The following CES5A variants were observed in gnomAD, a reference collection of about 807,000 sequenced individuals.
CES5A encodes carboxylesterase 5A, also known as carboxylesterase 5.
CES5A carries 67 observed loss-of-function variants against 62.9 expected under a neutral mutation model. That is an observed-to-expected ratio of 1.07 (90% confidence interval 0.88 to 1.31). CES5A has a LOEUF of 1.31. Among genes scored for constraint, CES5A ranks in the 50% most tolerant of loss-of-function variants. The pLI is 0.00. For missense variants in CES5A, 748 were observed against 708.5 expected (o/e 1.06, Z -0.63); for synonymous variants, 296 against 280.8 (o/e 1.05, Z -0.54).
upstream of CES5A, among the ~76,000 whole-genome samples, chr16:55,928,897 G>C (rs2034283221): frequency 6.6e-6 from 1 of 152,136 alleles, no homozygotes; most frequent in South Asian, 2.1e-4. Flanking sequence ...GGACTCAGAG[G>C]TCCCAGGTGA....
chr16:55,904,451 A>G (rs1333341569), intron 1 of CES5A, among the ~76,000 whole-genome samples: 4 of 152,146 alleles, frequency 2.6e-5, no homozygotes, highest in African/African-American at 9.7e-5. Context: ...TGAGAAGGCC[A>G]AAGGAAGGCA....
intron 9 of CES5A, 143 bp downstream of exon 9, chr16:55,856,234 A>T: frequency 2.8e-6 from 2 of 707,292 alleles, no homozygotes; most frequent in Non-Finnish European, 5.0e-6. Flanking sequence ...GTGGACTAAT[A>T]CACCTATGCT....
In CES5A at chr16:55,955,563, G is replaced by C. The variant is rs78335150; in HGVS notation, c.42+281C>G. 8.9e-3 allele frequency among the ~76,000 whole-genome samples: 1,350 copies of C among 152,230 alleles called. 19 individuals carry two copies. Among genetic ancestry groups the C allele is most frequent in the African/African-American group, 0.027 (1,112 of 41,544 alleles). On this transcript the variant is annotated intron_variant, in intron 1 of 13. Coordinates refer to the CES5A transcript ENST00000521992. Reference sequence around the variant, plus strand: ...CAATAAATTTCACTGCCATTAAATCGCCACATGCCGCATGGAGGAAAGGAG... The same window carrying C: ...CAATAAATTTCACTGCCATTAAATCCCCACATGCCGCATGGAGGAAAGGAG...
In CES5A at chr16:55,846,784, T is replaced by C; in HGVS notation, c.1480A>G (p.Thr494Ala). ...LSRKMMKYWATFARTGNPNGN... is the reference protein window; with the variant it reads ...LSRKMMKYWAAFARTGNPNGN... ...TTTACTTACCCGGTTCGAGCAAAGG[T>C]AGCCCAGTATTTCATCATCTTCCGG... The change falls in exon 12 of 13, where the codon ACC becomes GCC. Residue 494 changes from threonine (T) to alanine (A), a missense_variant. Thr to Ala is a moderately conservative substitution (Grantham distance 58). Transcript: ENST00000290567. The C allele has an allele frequency of 6.2e-7, 1 of 1,614,086 alleles. No homozygotes were observed. Among genetic ancestry groups the C allele is most frequent in the Admixed American group, 1.7e-5 (1 of 60,024 alleles).
chr16:55,902,246 G>T (rs2033997221), intron 1 of CES5A, among the ~76,000 whole-genome samples: 2 of 152,156 alleles, frequency 1.3e-5, no homozygotes, highest in Non-Finnish European at 2.9e-5. Flanking sequence ...AGGAGGCTGT[G>T]ATCCATGGAG....
intron 9 of CES5A, among the ~76,000 whole-genome samples, chr16:55,854,307 A>G (rs1374727876): frequency 2.6e-5 from 4 of 151,300 alleles, no homozygotes; most frequent in African/African-American, 7.3e-5. Context: ...CCTACTTCCC[A>G]CTCTACTTGA....
chr16:55,954,256 C>T lies in CES5A; in HGVS notation c.42+1588G>A, dbSNP rs1046903493. The stretch of plus-strand genomic sequence containing the variant: ...TGCCTGTTGATCCAAATGTGCCAGG[C>T]TTTGCAGGTTCGGTATTTCATTAGC... On this transcript the variant is annotated intron_variant, in intron 1 of 13. Coordinates refer to the CES5A transcript ENST00000521992. 5.9e-5 allele frequency among the ~76,000 whole-genome samples: 9 copies of T among 152,130 alleles called. No homozygotes were observed. The East Asian group carries it at 1.7e-3, about 29-fold the overall frequency.
chr16:55,944,399 G>A, intron 2 of CES5A: 1 of 356,718 alleles, frequency 2.8e-6, no homozygotes, highest in Non-Finnish European at 5.2e-6. Flanking sequence ...GGGAAGCCAG[G>A]GGCATCTTCT....
At chr16:55,945,517 C>T (rs1178494593) in intron 2 of CES5A, among the ~76,000 whole-genome samples, 1 of 152,224 alleles carries the variant, frequency 6.6e-6, no homozygotes, top group African/African-American at 2.4e-5. Flanking sequence ...ATCTGCCATT[C>T]GGGTCTCAGT....
intron 1 of CES5A, among the ~76,000 whole-genome samples, chr16:55,918,942 C>G (rs1436738041): frequency 6.6e-6 from 1 of 152,190 alleles, no homozygotes; most frequent in Non-Finnish European, 1.5e-5. Context: ...GTATCTCTAC[C>G]AGGGTGGGTC....
At chr16:55,869,566 C>T (rs1206071432) in intron 4 of CES5A, 45 bp downstream of exon 4, 1 of 1,602,706 alleles carries the variant, frequency 6.2e-7, no homozygotes, top group African/African-American at 1.3e-5. Flanking sequence ...TACTGCACTG[C>T]TGCCCTTTGG....
chr16:55,856,474 C>T (rs2033245826), intron 8 of CES5A, 29 bp from the exon 9 acceptor site: 4 of 1,610,216 alleles, frequency 2.5e-6, no homozygotes, highest in Non-Finnish European at 3.4e-6. Flanking sequence ...CCTCTGTAAG[C>T]CATCTGGTCA....
At chr16:55,919,187 G>A (rs1291588602) in intron 1 of CES5A, among the ~76,000 whole-genome samples, 2 of 152,248 alleles carry the variant, frequency 1.3e-5, no homozygotes, top group African/African-American at 4.8e-5. Flanking sequence ...GTCGCCCCAG[G>A]GCACAGGCCT....
chr16:55,900,454 C>G (rs1200653624), intron 1 of CES5A, among the ~76,000 whole-genome samples: 2 of 152,180 alleles, frequency 1.3e-5, no homozygotes, highest in Admixed American at 1.3e-4. Context: ...AATAATAGCT[C>G]TGCCCCAATG....
chr16:55,896,505 G>C (rs765403406), intron 1 of CES5A, among the ~76,000 whole-genome samples: 1 of 152,204 alleles, frequency 6.6e-6, no homozygotes, highest in African/African-American at 2.4e-5. Context: ...GCAGAATCAT[G>C]AGCCAAATAA....
intron 2 of CES5A, among the ~76,000 whole-genome samples, chr16:55,943,029 C>T (rs181346525): frequency 6.6e-6 from 1 of 152,226 alleles, no homozygotes; most frequent in Admixed American, 6.5e-5. Flanking sequence ...TACAAATGAG[C>T]CCAAGAGAAC....
intron 1 of CES5A, among the ~76,000 whole-genome samples, chr16:55,874,471 C>A (rs1297740066): frequency 6.7e-6 from 1 of 148,156 alleles, no homozygotes; most frequent in East Asian, 2.2e-4. Context: ...TGCATGATTG[C>A]TGGCTTCTTT....
At chr16:55,854,531 C>CTTTTTTTTTTCTTTTTTTTTTTTTTTT (rs1555479324) in intron 9 of CES5A, among the ~76,000 whole-genome samples, 9 of 52,164 alleles carry the variant, frequency 1.7e-4, no homozygotes, top group East Asian at 6.2e-4. Flanking sequence ...TGTAGTGTTT[C>CTTTTTTTTTTCTTTTTTTTTTTTTTTT]TTTTTTTTTT....
At chr16:55,955,731 CA>C (rs767907260) in intron 1 of CES5A, 3 of 1,207,890 alleles carry the variant, frequency 2.5e-6, no homozygotes, top group Non-Finnish European at 3.5e-6. Context: ...GGGGCTGACC[CA>C]GAGAGACAAA....
Sources: gnomAD v4.1 joint callset for allele counts (sites outside exome capture counted in the v4.1 genomes callset) on GRCh38, gnomAD v4.1.1 for gene constraint, MANE v1.5 for transcripts, NCBI Gene and HGNC (gene_info 2026-07-23, HGNC 2026-07-21) for gene names.